Variants in NEK9 observed in about 807,000 individuals in gnomAD.
The protein encoded by NEK9 is serine/threonine-protein kinase Nek9.
In NEK9, 75 loss-of-function variants were observed where a neutral mutation model predicts 123.4. That is an observed-to-expected ratio of 0.61 (90% confidence interval 0.50 to 0.74). The LOEUF (loss-of-function observed/expected upper bound fraction) is 0.74, where lower values mean the gene tolerates loss of function less well. Ranked by LOEUF, NEK9 falls within the 30% of genes least tolerant of loss-of-function variation. The pLI is 0.00. For missense variants in NEK9, 952 were observed against 1,214.4 expected (o/e 0.78, Z 3.21); for synonymous variants, 438 against 458.7 (o/e 0.95, Z 0.58).
intron 14 of NEK9, 130 bp from the exon 15 acceptor site, chr14:75,101,895 C>T: frequency 5.0e-6 from 3 of 595,984 alleles, no homozygotes; most frequent in Non-Finnish European, 3.0e-6. Context: ...GAAGAGGGTG[C>T]CAGGTAGTTT....
At chr14:75,124,322 G>C (rs1402483978) in intron 1 of NEK9, 99 bp from the exon 2 acceptor site, 16 of 979,558 alleles carry the variant, frequency 1.6e-5, no homozygotes, top group Non-Finnish European at 2.1e-5. Flanking sequence ...TTCCTAGAGG[G>C]GCACAGACTG....
chr14:75,114,299 C>G lies in NEK9; in HGVS notation c.777G>C (p.Leu259=). The G allele has an allele frequency of 6.2e-7, 1 of 1,613,732 alleles. No homozygotes were observed. Among genetic ancestry groups the G allele is most frequent in the Non-Finnish European group, 8.5e-7 (1 of 1,179,672 alleles). The stretch of plus-strand genomic sequence containing the variant: ...GAATTCCTTGCACGATCTTCACACA[C>G]AGGTTAAGTGGGTTCTATGAGAAAA... ...RTFDATNPLN[L]CVKIVQGIRA... The change falls in exon 7 of 22, where the codon CTG becomes CTC. Residue 259 remains leucine, a synonymous_variant. Transcript: ENST00000238616.
At chr14:75,089,073 AT>A (rs1194780062) in intron 19 of NEK9, among the ~76,000 whole-genome samples, 53 of 148,536 alleles carry the variant, frequency 3.6e-4, no homozygotes, top group Admixed American at 4.7e-4. Flanking sequence ...AAACCTACAG[AT>A]TTTTTTTTTT....
chr14:75,126,720 G>C lies in NEK9; in HGVS notation c.202C>G (p.Leu68Val), dbSNP rs578208529. The C allele has an allele frequency of 2.3e-4, 337 of 1,477,320 alleles. No individual in the cohort carries two copies. Among genetic ancestry groups the C allele is most frequent in the Admixed American group, 6.4e-4 (26 of 40,466 alleles). 91.5% of individuals were successfully genotyped at this position (1,477,320 alleles called of 1,614,324 possible). Residue 68 changes from leucine (L) to valine (V), a missense_variant, in exon 1 of 22, where the codon CTG becomes GTG. This residue lies in a region of NEK9 where 120 missense variants were observed against 97.6 expected (regional missense o/e 1.23). Coordinates refer to ENST00000238616, the MANE Select transcript of NEK9 (RefSeq NM_033116.6). Reference protein sequence around the residue: ...LGRGAFGEATLYRRTEDDSLV... With the variant: ...LGRGAFGEATVYRRTEDDSLV... ...GCCGCTACCTCGGTGCGGCGGTACAGCGTGGCTTCCCCGAAGGCGCCGCGG... is the reference window on the plus strand; with the variant it reads ...GCCGCTACCTCGGTGCGGCGGTACACCGTGGCTTCCCCGAAGGCGCCGCGG...
chr14:75,093,135 C>T (rs780424789), intron 18 of NEK9, among the ~76,000 whole-genome samples: 17 of 152,112 alleles, frequency 1.1e-4, no homozygotes, highest in Non-Finnish European at 1.6e-4. Context: ...CATATGTGCC[C>T]GCTTAAACTT....
chr14:75,108,944 A>G (rs144099935), intron 10 of NEK9, among the ~76,000 whole-genome samples: 1 of 152,338 alleles, frequency 6.6e-6, no homozygotes, highest in East Asian at 1.9e-4. Flanking sequence ...CCAAGAGAAC[A>G]TGCTATCACA....
chr14:75,095,145 T>C (rs942910462), intron 18 of NEK9, among the ~76,000 whole-genome samples: 3 of 152,248 alleles, frequency 2.0e-5, no homozygotes, highest in Non-Finnish European at 4.4e-5. Context: ...ACTTAATTAC[T>C]TGCATATGCG....
rs1894209908 is a variant in NEK9 at position 75,091,352 on chromosome 14, C to T, written c.2360G>A (p.Gly787Glu). The change falls in exon 19 of 22, where the codon GGA becomes GAA. Residue 787 changes from glycine (G) to glutamate (E), a missense_variant. Physicochemically the swap from Gly to Glu is moderately conservative, Grantham distance 98. Transcript: ENST00000238616. Reference sequence around the variant, plus strand: ...TGTGGGACTGATTAAACCTTCCATTCCTCGGTCTGCTTCCATTGTTCCTCG... The same window carrying T: ...TGTGGGACTGATTAAACCTTCCATTTCTCGGTCTGCTTCCATTGTTCCTCG... Reference protein sequence around the residue: ...GFRGTMEADRGMEGLISPTEA... With the variant: ...GFRGTMEADREMEGLISPTEA... The T allele has an allele frequency of 6.2e-7, 1 of 1,614,040 alleles. No individual in the cohort carries two copies. Among genetic ancestry groups the T allele is most frequent in the Admixed American group, 1.7e-5 (1 of 59,992 alleles).
At chr14:75,087,334 A>C in intron 20 of NEK9, 104 bp from the exon 21 acceptor site, 1 of 789,326 alleles carries the variant, frequency 1.3e-6, no homozygotes, top group South Asian at 1.7e-5. Flanking sequence ...TAAATTAACA[A>C]GATAAATCAT....
rs373863056 is a variant in NEK9 at position 75,101,640 on chromosome 14, G to A, written c.1840+17C>T. On this transcript the variant is annotated intron_variant, in intron 15 of 21. Coordinates refer to ENST00000238616, the MANE Select transcript of NEK9 (RefSeq NM_033116.6). ...CTCAGCTACTAAGGCATGTGATACA[G>A]TTGTAAATCAACTTACCATCAATAG... 35 of 1,558,874 alleles carry A rather than the reference G, an allele frequency of 2.2e-5. No homozygotes were observed. In the African/African-American group the frequency reaches 4.3e-4, roughly 19 times the overall value.
At chr14:75,120,911 G>C in intron 3 of NEK9, 1 of 657,446 alleles carries the variant, frequency 1.5e-6, no homozygotes, top group Non-Finnish European at 2.8e-6. Flanking sequence ...AGCCCACAGA[G>C]AATCATGATG....
Position 75,117,410 on chromosome 14 carries a change from A to G in NEK9, c.631-84T>C, listed in dbSNP as rs143104780. On this transcript the variant is annotated intron_variant, in intron 5 of 21. Coordinates refer to ENST00000238616, the MANE Select transcript of NEK9 (RefSeq NM_033116.6). The stretch of plus-strand genomic sequence containing the variant: ...TTTCAACAGCTTAATTAAATTTCCT[A>G]GGAACTAGTCATAACAACCATAAAA... 231 of 1,432,718 alleles carry G rather than the reference A, an allele frequency of 1.6e-4. No individual in the cohort carries two copies. In the African/African-American group the frequency reaches 3.0e-3, roughly 19 times the overall value. The allele number at this position is 1,432,718 out of a possible 1,614,324, so 88.8% of individuals were successfully genotyped here.
chr14:75,100,317 A>G (rs1395860719), intron 16 of NEK9, among the ~76,000 whole-genome samples: 1 of 150,156 alleles, frequency 6.7e-6, no homozygotes. Flanking sequence ...ATGGTGGCGC[A>G]TGCCTGTAAT....
chr14:75,104,999 C>T (rs1215797426), intron 13 of NEK9, among the ~76,000 whole-genome samples: 1 of 152,174 alleles, frequency 6.6e-6, no homozygotes, highest in Non-Finnish European at 1.5e-5. Flanking sequence ...AATTCAGTAG[C>T]CCTGTGGGGT....
In NEK9 at chr14:75,083,329, T is replaced by C. The variant is rs1450545857; in HGVS notation, c.*1235A>G. On this transcript the variant is annotated 3_prime_UTR_variant, in exon 22 of 22. Coordinates refer to ENST00000238616, the MANE Select transcript of NEK9 (RefSeq NM_033116.6). ...TTCTATATGAAGTTTTGTTCTTCTA[T>C]GACACTATTTCTCTTTGGTAAAGCT... is the stretch of plus-strand genomic sequence containing the variant. The C allele has an allele frequency of 5.4e-6, 2 of 372,502 alleles. No individual in the cohort carries two copies. Among genetic ancestry groups the C allele is most frequent in the Admixed American group, 4.6e-5 (1 of 21,918 alleles). The allele number at this position is 372,502 out of a possible 1,614,324, so 23.1% of individuals were successfully genotyped here.
At position 75,091,688 on chromosome 14, in the gene NEK9, C is replaced by T. The variant is rs193001171; in HGVS notation, c.2234-210G>A. ...ATAGTTGTATTTGTATATCAGGATG[C>T]TCATAATGATAATTCACTTCCATTT... is the stretch of plus-strand genomic sequence containing the variant. On this transcript the variant is annotated intron_variant, in intron 18 of 21. Transcript: ENST00000238616. 1.6e-5 allele frequency: 7 copies of T among 437,140 alleles called. No individual in the cohort carries two copies. The East Asian group carries it at 2.5e-4, about 16-fold the overall frequency. The allele number at this position is 437,140 out of a possible 1,614,324, so 27.1% of individuals were successfully genotyped here.
intron 7 of NEK9, 115 bp downstream of exon 7, chr14:75,114,088 C>G (rs995423790): frequency 2.0e-5 from 14 of 698,882 alleles, no homozygotes; most frequent in Non-Finnish European, 3.5e-5. Flanking sequence ...CACAAATACA[C>G]TCTACCCTGG....
Position 75,109,829 on chromosome 14 carries a change from G to A in NEK9, c.1038C>T (p.Thr346=). 3 of 1,613,886 alleles carry A rather than the reference G, an allele frequency of 1.9e-6. No homozygotes were observed. The highest frequency in any genetic ancestry group is 1.6e-4 in the Middle Eastern group (1 of 6,062). Residue 346 remains threonine (T), a synonymous_variant, in exon 10 of 22, where the codon ACC becomes ACT. Coordinates refer to ENST00000238616, the MANE Select transcript of NEK9 (RefSeq NM_033116.6). ...EAPIAVVTSR[T]SEVYVWGGGK... ...CACCACCCCAAACATAGACTTCACT[G>A]GTTCGTGATGTTACTACAGCAATGG...
At chr14:75,090,621 G>A (rs1894185440) in intron 19 of NEK9, among the ~76,000 whole-genome samples, 1 of 151,668 alleles carries the variant, frequency 6.6e-6, no homozygotes, top group Admixed American at 6.6e-5. Context: ...GATTGCAGTG[G>A]TACAATCATG....
Sources: gnomAD v4.1 joint callset for allele counts (sites outside exome capture counted in the v4.1 genomes callset) on GRCh38, gnomAD v4.1.1 for gene constraint, gnomAD v4.1.1 regional missense constraint, MANE v1.5 for transcripts, NCBI Gene and HGNC (gene_info 2026-07-23, HGNC 2026-07-21) for gene names.